ZNF714: variants seen among roughly 807,000 people sequenced by gnomAD.
ZNF714 encodes zinc finger protein 714.
In ZNF714, 32 loss-of-function variants were observed where a neutral mutation model predicts 46.2. That is an observed-to-expected ratio of 0.69 (90% CI 0.52 to 0.93). ZNF714 has a LOEUF of 0.93. Ranked by LOEUF, ZNF714 falls within the 40% of genes least tolerant of loss-of-function variation. ZNF714 has a pLI of 0.00. For missense variants in ZNF714, 635 were observed against 646.3 expected, an observed-to-expected ratio of 0.98 and a Z score of 0.19; for synonymous variants, 199 against 213.1, an observed-to-expected ratio of 0.93 and a Z score of 0.58.
At position 21,122,497 on chromosome 19, in the gene ZNF714, T is replaced by A. The variant is rs1969719582; in HGVS notation, c.*4165T>A. 1 of 152,150 alleles carries A rather than the reference T, an allele frequency of 6.6e-6. No individual in the cohort carries two copies. Among genetic ancestry groups the A allele is most frequent in the Non-Finnish European group, 1.5e-5 (1 of 68,050 alleles). The allele number at this position is 152,150 out of a possible 1,614,324, so 9.4% of individuals were successfully genotyped here. The stretch of plus-strand genomic sequence containing the variant: ...TGGTGGCATCCACCTGTAGCCCAGC[T>A]ACTCAGGAGGCTGAGGCAGAAGAAT... On this transcript the variant is annotated 3_prime_UTR_variant, in exon 5 of 5. Coordinates refer to ENST00000456283, the MANE Select transcript of ZNF714 (RefSeq NM_182515.4).
At chr19:21,098,066 G>A in intron 2 of ZNF714, 119 bp from the exon 3 acceptor site, 1 of 1,395,244 alleles carries the variant, frequency 7.2e-7, no homozygotes. Flanking sequence ...GATAATTTCA[G>A]TTATTCTTAT....
intron 4 of ZNF714, among the ~76,000 whole-genome samples, chr19:21,107,298 G>A (rs1969344623): frequency 6.6e-6 from 1 of 150,650 alleles, no homozygotes; most frequent in Non-Finnish European, 1.5e-5. Flanking sequence ...GGAGTACAAT[G>A]GCGCAATCTT....
intron 4 of ZNF714, among the ~76,000 whole-genome samples, chr19:21,108,959 A>T (rs1366600740): frequency 6.6e-6 from 1 of 152,230 alleles, no homozygotes; most frequent in Non-Finnish European, 1.5e-5. Context: ...TAGATATGAT[A>T]GTTATAGATT....
chr19:21,109,642 C>A (rs7248410), intron 4 of ZNF714: 166,340 of 197,462 alleles, frequency 0.84, 72,238 homozygotes, highest in Non-Finnish European at 0.93. Context: ...GCAGGATGTG[C>A]AGGTTTGTTA....
chr19:21,099,965 C>T (rs535282668), intron 4 of ZNF714, among the ~76,000 whole-genome samples: 3 of 152,240 alleles, frequency 2.0e-5, no homozygotes, highest in Non-Finnish European at 4.4e-5. Context: ...AAGTGATTCT[C>T]CTGCCTCAGC....
chr19:21,112,578 A>T (rs1247981649), intron 4 of ZNF714, among the ~76,000 whole-genome samples: 2 of 146,228 alleles, frequency 1.4e-5, no homozygotes, highest in South Asian at 2.2e-4. Flanking sequence ...TGTGTCCTTC[A>T]CTTCCAGTCT....
At chr19:21,113,663 C>T (rs951445645) in intron 4 of ZNF714, among the ~76,000 whole-genome samples, 8 of 151,904 alleles carry the variant, frequency 5.3e-5, no homozygotes, top group African/African-American at 1.5e-4. Context: ...CATACTGCCA[C>T]GCCTGGCTAA....
At chr19:21,087,812 CA>C (rs1968817472) in intron 2 of ZNF714, among the ~76,000 whole-genome samples, 1 of 152,128 alleles carries the variant, frequency 6.6e-6, no homozygotes, top group South Asian at 2.1e-4. Context: ...TTAATCCAGG[CA>C]AAAAAGTCCA....
At chr19:21,113,712 GT>G (rs1231144690) in intron 4 of ZNF714, among the ~76,000 whole-genome samples, 13 of 151,850 alleles carry the variant, frequency 8.6e-5, no homozygotes, top group Admixed American at 7.9e-4. Flanking sequence ...GTTTCTCTGT[GT>G]TCCCCAGGCT....
chr19:21,115,926 T>C (rs1274928657), intron 4 of ZNF714, among the ~76,000 whole-genome samples: 2 of 151,672 alleles, frequency 1.3e-5, no homozygotes, highest in African/African-American at 2.4e-5. Flanking sequence ...ATTTTACTCA[T>C]TGAGTATTCA....
intron 2 of ZNF714, chr19:21,091,269 G>A (rs1968902681): frequency 6.6e-6 from 1 of 152,184 alleles, no homozygotes; most frequent in South Asian, 2.1e-4. Context: ...TGGGAGTATA[G>A]CAGAGAGGAT....
chr19:21,109,422 T>A (rs1969395820), intron 4 of ZNF714, among the ~76,000 whole-genome samples: 1 of 152,120 alleles, frequency 6.6e-6, no homozygotes, highest in Non-Finnish European at 1.5e-5. Flanking sequence ...TTTTTTGCCC[T>A]GTTGTCTAGG....
At chr19:21,105,574 C>T (rs911513915) in intron 4 of ZNF714, among the ~76,000 whole-genome samples, 7 of 151,644 alleles carry the variant, frequency 4.6e-5, no homozygotes, top group Non-Finnish European at 4.4e-5. Context: ...TGCCAAGACC[C>T]ATGTCAAGTT....
rs532563659 is a variant in ZNF714 at position 21,092,623 on chromosome 19, G to A, written c.-84-5562G>A. 3.3e-5 allele frequency among the ~76,000 whole-genome samples: 5 copies of A among 152,218 alleles called. No individual in the cohort carries two copies. The East Asian group carries it at 9.7e-4, about 29-fold the overall frequency. Reference sequence around the variant, plus strand: ...TTTTTGGTTCAGGGATCCATGTGCAGCTTTGTTATATACGTAAAATTGTGT... The same window carrying A: ...TTTTTGGTTCAGGGATCCATGTGCAACTTTGTTATATACGTAAAATTGTGT... On this transcript the variant is annotated intron_variant, in intron 2 of 4. Transcript: ENST00000456283.
intron 1 of ZNF714, among the ~76,000 whole-genome samples, chr19:21,083,299 G>A (rs975798180): frequency 3.3e-5 from 5 of 152,166 alleles, no homozygotes; most frequent in Non-Finnish European, 5.9e-5. Context: ...CCTCCCCAAA[G>A]TGCTGGGATT....
At chr19:21,114,701 T>C (rs1012652310) in intron 4 of ZNF714, among the ~76,000 whole-genome samples, 1 of 152,320 alleles carries the variant, frequency 6.6e-6, no homozygotes, top group East Asian at 1.9e-4. Context: ...TGCTAGCTGC[T>C]TATTTTGCAG....
At chr19:21,100,079 C>T (rs886736293) in intron 4 of ZNF714, among the ~76,000 whole-genome samples, 1 of 152,140 alleles carries the variant, frequency 6.6e-6, no homozygotes, top group African/African-American at 2.4e-5. Flanking sequence ...TGGTCTCGAT[C>T]TCCTGACCTT....
rs1969737219 is a variant in ZNF714 at position 21,123,245 on chromosome 19, C to T, written c.*4913C>T. The T allele has an allele frequency of 6.6e-6, 1 of 150,380 alleles. No homozygotes were observed. Among genetic ancestry groups the T allele is most frequent in the Admixed American group, 6.6e-5 (1 of 15,082 alleles). 9.3% of individuals were successfully genotyped at this position (150,380 alleles called of 1,614,324 possible). A position where few individuals can be genotyped will look rare whatever the true frequency, so the allele number is the denominator to read the frequency against. ...ATTTCTTTGTTTTTAAAAGAAAAAT[C>T]TTATTAGATTCTTATACAAAGTGTG... On this transcript the variant is annotated 3_prime_UTR_variant, in exon 5 of 5. Coordinates refer to ENST00000456283, the MANE Select transcript of ZNF714 (RefSeq NM_182515.4).
Position 21,120,038 on chromosome 19 carries a change from CTTTGT to C in ZNF714, c.*1713_*1717del, listed in dbSNP as rs1341743094. On this transcript the variant is annotated 3_prime_UTR_variant, in exon 5 of 5. Coordinates refer to ENST00000456283, the MANE Select transcript of ZNF714 (RefSeq NM_182515.4). ...GTATCAAAGATATGAAAGATTCTTT[CTTTGT>C]TTTGTTCTGTTTTTTTGAGATGGAG... 2 of 152,006 alleles carry C rather than the reference CTTTGT, an allele frequency of 1.3e-5. No homozygotes were observed. The highest frequency in any genetic ancestry group is 4.8e-5 in the African/African-American group (2 of 41,396). The allele number at this position is 152,006 out of a possible 1,614,324, so 9.4% of individuals were successfully genotyped here. A position where few individuals can be genotyped will look rare whatever the true frequency, so the allele number is the denominator to read the frequency against.
Sources: gnomAD v4.1 joint callset for allele counts (sites outside exome capture counted in the v4.1 genomes callset) on GRCh38, gnomAD v4.1.1 for gene constraint, MANE v1.5 for transcripts, NCBI Gene and HGNC (gene_info 2026-07-23, HGNC 2026-07-21) for gene names.